The following POU6F2 variants were observed in gnomAD, a reference collection of about 807,000 sequenced individuals.
POU6F2 encodes the protein POU class 6 homeobox 2.
In POU6F2, 31 loss-of-function variants were observed where a neutral mutation model predicts 71.3. The ratio of observed to expected loss-of-function variants is 0.43; its 90% CI spans 0.33 to 0.59. The LOEUF (loss-of-function observed/expected upper bound fraction) is 0.59. Ranked by LOEUF, POU6F2 falls within the 20% of genes least tolerant of loss-of-function variation. The probability of loss-of-function intolerance (pLI) is 0.04; values close to 1 mark genes in which losing one functional copy is unlikely to be tolerated. For missense variants in POU6F2, 783 were observed against 856.8 expected (o/e 0.91, Z 1.07); for synonymous variants, 347 against 355.7 (o/e 0.98, Z 0.27).
intron 4 of POU6F2, among the ~76,000 whole-genome samples, chr7:39,331,390 C>G (rs79428764): frequency 6.6e-6 from 1 of 152,240 alleles, no homozygotes; most frequent in East Asian, 1.9e-4. Context: ...GAAATCCCAC[C>G]AATAGTATGT....
chr7:39,322,459 T>A (rs1419415819), intron 4 of POU6F2, among the ~76,000 whole-genome samples: 1 of 152,238 alleles, frequency 6.6e-6, no homozygotes, highest in East Asian at 1.9e-4. Context: ...CAGCCCTTGG[T>A]TAGGATGACA....
chr7:39,050,535 C>G (rs1261806597), intron 1 of POU6F2, among the ~76,000 whole-genome samples: 2 of 152,156 alleles, frequency 1.3e-5, no homozygotes, highest in African/African-American at 4.8e-5. Context: ...CTATGACTGT[C>G]TCATTTCCCA....
intron 2 of POU6F2, among the ~76,000 whole-genome samples, chr7:39,114,833 T>G (rs1192309812): frequency 1.3e-5 from 2 of 152,142 alleles, no homozygotes; most frequent in Admixed American, 6.6e-5. Flanking sequence ...TTTTTAAATT[T>G]TATAAAAGAT....
chr7:39,207,723 A>G, intron 4 of POU6F2, 103 bp downstream of exon 4: 4 of 1,127,960 alleles, frequency 3.5e-6, no homozygotes, highest in Non-Finnish European at 5.0e-6. Context: ...TGTGGTTCAG[A>G]GTTGCTTCTG....
At chr7:39,314,394 T>G (rs1427462406) in intron 4 of POU6F2, among the ~76,000 whole-genome samples, 1 of 152,240 alleles carries the variant, frequency 6.6e-6, no homozygotes, top group Non-Finnish European at 1.5e-5. Flanking sequence ...TGAAGCAAGC[T>G]TCAGTATTTC....
chr7:39,221,384 CT>C (rs33915153), intron 4 of POU6F2, among the ~76,000 whole-genome samples: 343 of 86,324 alleles, frequency 4.0e-3, no homozygotes, highest in African/African-American at 0.014. Flanking sequence ...CTCTCTCTCT[CT>C]TTTTTTTTTT....
At chr7:39,265,019 A>G (rs1163925199) in intron 4 of POU6F2, among the ~76,000 whole-genome samples, 1 of 152,210 alleles carries the variant, frequency 6.6e-6, no homozygotes, top group African/African-American at 2.4e-5. Context: ...TGAACTTTGA[A>G]GGAAAGGTAA....
At chr7:39,312,820 C>A (rs1269230721) in intron 4 of POU6F2, among the ~76,000 whole-genome samples, 1 of 152,198 alleles carries the variant, frequency 6.6e-6, no homozygotes, top group East Asian at 1.9e-4. Context: ...CAATGTGGAT[C>A]TGCTGGACAA....
At chr7:39,050,077 T>TA (rs1403221319) in intron 1 of POU6F2, among the ~76,000 whole-genome samples, 1 of 152,104 alleles carries the variant, frequency 6.6e-6, no homozygotes, top group African/African-American at 2.4e-5. Flanking sequence ...AATATTGTTT[T>TA]AAAAATGTGT....
At chr7:39,087,316 A>G (rs1057062287) in intron 2 of POU6F2, among the ~76,000 whole-genome samples, 4 of 152,002 alleles carry the variant, frequency 2.6e-5, no homozygotes, top group Admixed American at 2.0e-4. Flanking sequence ...GAGAGATGTC[A>G]CAGAGAAACT....
At chr7:39,340,916 G>A (rs1267361960) in intron 5 of POU6F2, among the ~76,000 whole-genome samples, 3 of 152,296 alleles carry the variant, frequency 2.0e-5, no homozygotes, top group East Asian at 1.9e-4. Flanking sequence ...CTTGCACAAT[G>A]ACATTTTTCC....
At chr7:39,254,020 G>T (rs1160509591) in intron 4 of POU6F2, among the ~76,000 whole-genome samples, 2 of 152,126 alleles carry the variant, frequency 1.3e-5, no homozygotes, top group Non-Finnish European at 2.9e-5. Context: ...TACAAGGAGA[G>T]TGTCCATTGA....
chr7:39,200,179 A>G (rs1305274059), intron 2 of POU6F2, among the ~76,000 whole-genome samples: 1 of 152,198 alleles, frequency 6.6e-6, no homozygotes, highest in Admixed American at 6.5e-5. Flanking sequence ...TGCATATGGC[A>G]GTCTTAGCGC....
chr7:39,310,288 G>A (rs1182062205), intron 4 of POU6F2, among the ~76,000 whole-genome samples: 2 of 152,186 alleles, frequency 1.3e-5, no homozygotes, highest in African/African-American at 2.4e-5. Flanking sequence ...AAAAGTAGCT[G>A]AAGTTTCAAC....
chr7:39,383,173 T>G (rs1786864288), intron 5 of POU6F2, among the ~76,000 whole-genome samples: 1 of 152,206 alleles, frequency 6.6e-6, no homozygotes, highest in Non-Finnish European at 1.5e-5. Context: ...TCTTTACAAT[T>G]TTCTACAACA....
rs543154225 is a variant in POU6F2 at position 39,287,638 on chromosome 7, G to A, written c.599-52004G>A. On this transcript the variant is annotated intron_variant, in intron 4 of 9. Transcript: ENST00000518318. ...TTTGCCTTTCACATTCAGATTCCAG[G>A]AGACACACACAGAAAAAAACACTTG... 9.9e-5 allele frequency among the ~76,000 whole-genome samples: 15 copies of A among 152,166 alleles called. 1 individual carries two copies. The South Asian group carries it at 3.1e-3, about 32-fold the overall frequency.
At chr7:39,295,026 A>G (rs1444938892) in intron 4 of POU6F2, among the ~76,000 whole-genome samples, 1 of 152,204 alleles carries the variant, frequency 6.6e-6, no homozygotes, top group Non-Finnish European at 1.5e-5. Context: ...ATTCAGAGAA[A>G]CAGATTATGA....
chr7:39,409,645 C>T (rs1260570568), intron 6 of POU6F2, among the ~76,000 whole-genome samples: 4 of 151,816 alleles, frequency 2.6e-5, no homozygotes, highest in Non-Finnish European at 5.9e-5. Context: ...TGCACTTTTG[C>T]AGGGCAAGCA....
At position 39,049,553 on chromosome 7, in the gene POU6F2, A is replaced by T. The variant is rs78767996; in HGVS notation, c.106-36307A>T. Among the ~76,000 whole-genome samples the T allele has an allele frequency of 5.7e-3, 872 of 152,070 alleles. 11 individuals carry two copies. Among genetic ancestry groups the T allele is most frequent in the African/African-American group, 0.02 (829 of 41,516 alleles). On this transcript the variant is annotated intron_variant, in intron 1 of 9. Transcript: ENST00000518318. ...TATATTATTTCAATCCTTTAAATTTATTGAGGCTTGCTTTATAGCCTAGCA... is the reference window on the plus strand; with the variant it reads ...TATATTATTTCAATCCTTTAAATTTTTTGAGGCTTGCTTTATAGCCTAGCA...
Sources: gnomAD v4.1 joint callset for allele counts (sites outside exome capture counted in the v4.1 genomes callset) on GRCh38, gnomAD v4.1.1 for gene constraint, MANE v1.5 for transcripts, NCBI Gene and HGNC (gene_info 2026-07-23, HGNC 2026-07-21) for gene names.